Variants in ARMC10 observed in about 807,000 individuals in gnomAD.
ARMC10 encodes the protein armadillo repeat containing 10.
A neutral mutation model predicts 30.2 loss-of-function variants in ARMC10; 23 were observed. The ratio of observed to expected loss-of-function variants is 0.76; its 90% confidence interval spans 0.55 to 1.08. The LOEUF (loss-of-function observed/expected upper bound fraction) is 1.08. Ranked by LOEUF, ARMC10 falls within the 50% of genes least tolerant of loss-of-function variation. The pLI is 0.00. For missense variants in ARMC10, 303 were observed against 413.7 expected (o/e 0.73, Z 2.32); for synonymous variants, 111 against 164.4 (o/e 0.68, Z 2.48).
At chr7:103,092,070 C>A (rs550457899) in intron 4 of ARMC10, among the ~76,000 whole-genome samples, 1 of 152,152 alleles carries the variant, frequency 6.6e-6, no homozygotes, top group Non-Finnish European at 1.5e-5. Context: ...CAGTGGCTCA[C>A]GCCTGTAATC....
chr7:103,092,932 T>C (rs1801474153), intron 5 of ARMC10, among the ~76,000 whole-genome samples: 1 of 152,220 alleles, frequency 6.6e-6, no homozygotes, highest in African/African-American at 2.4e-5. Context: ...GTCTGAGTAA[T>C]AGTAGTGGTT....
chr7:103,076,942 C>T (rs1799923256), intron 2 of ARMC10, among the ~76,000 whole-genome samples: 1 of 152,054 alleles, frequency 6.6e-6, no homozygotes, highest in South Asian at 2.1e-4. Flanking sequence ...AGGCTCGGTG[C>T]AGTGGCGCAA....
chr7:103,083,559 A>G (rs963316729), intron 2 of ARMC10, 123 bp from the exon 3 acceptor site: 1 of 806,934 alleles, frequency 1.2e-6, no homozygotes, highest in Non-Finnish European at 1.9e-6. Context: ...CCAGGAGATC[A>G]AGGTTGTAGT....
Position 103,075,808 on chromosome 7 carries a change from G to C in ARMC10, c.171G>C (p.Gln57His), listed in dbSNP as rs548152712. 2.5e-6 allele frequency: 4 copies of C among 1,611,070 alleles called. No individual in the cohort carries two copies. In the African/African-American group the frequency reaches 4.0e-5, roughly 16 times the overall value. ...TGGAAGAAGGGACGTCAGAGGGTCA[G>C]TTGTGCGGGCGCTCGGCCCGGCCTC... ...GALEEGTSEG[Q>H]LCGRSARPQT... The change falls in exon 2 of 7, where the codon CAG becomes CAC. Residue 57 changes from glutamine to histidine, a missense_variant. By Grantham distance (24) the Gln-to-His change is conservative. Around this residue, in one of 4 missense-constraint regions of ARMC10, gnomAD observed 96 missense variants for 84.2 expected, o/e 1.14. Coordinates refer to ENST00000323716, the MANE Select transcript of ARMC10 (RefSeq NM_031905.5).
At chr7:103,082,405 C>CAA (rs11354159) in intron 2 of ARMC10, among the ~76,000 whole-genome samples, 10 of 141,546 alleles carry the variant, frequency 7.1e-5, no homozygotes, top group African/African-American at 2.6e-4. Context: ...CTGTTTATTG[C>CAA]AAAAAAAAAA....
intron 5 of ARMC10, chr7:103,096,841 G>GAT (rs1183854172): frequency 5.6e-5 from 10 of 179,988 alleles, no homozygotes; most frequent in Admixed American, 5.5e-4. Flanking sequence ...CAACTGTTCA[G>GAT]ATGTGCATGT....
chr7:103,083,222 C>G (rs377074760), intron 2 of ARMC10: 50 of 444,664 alleles, frequency 1.1e-4, no homozygotes, highest in Non-Finnish European at 2.3e-5. Context: ...CCTACACTTC[C>G]CAGCTGTAAT....
chr7:103,094,748 G>A (rs932196712), intron 5 of ARMC10, among the ~76,000 whole-genome samples: 1 of 152,138 alleles, frequency 6.6e-6, no homozygotes, highest in African/African-American at 2.4e-5. Context: ...CTAAAGAAGG[G>A]TCAGAAGTCT....
At chr7:103,076,693 G>C (rs1440412759) in intron 2 of ARMC10, among the ~76,000 whole-genome samples, 1 of 152,122 alleles carries the variant, frequency 6.6e-6, no homozygotes, top group Non-Finnish European at 1.5e-5. Flanking sequence ...AAATTAGCCG[G>C]GCTTGGCGGT....
intron 2 of ARMC10, among the ~76,000 whole-genome samples, chr7:103,077,745 G>T (rs1269304900): frequency 6.6e-6 from 1 of 152,178 alleles, no homozygotes; most frequent in Non-Finnish European, 1.5e-5. Flanking sequence ...AGATATTTTT[G>T]TATAAGTACA....
intron 2 of ARMC10, among the ~76,000 whole-genome samples, chr7:103,076,320 G>A (rs1266473032): frequency 6.6e-6 from 1 of 152,130 alleles, no homozygotes; most frequent in Admixed American, 6.5e-5. Flanking sequence ...TGGTAATTGG[G>A]GTGGTTGTTA....
At chr7:103,076,557 C>T (rs1421287789) in intron 2 of ARMC10, among the ~76,000 whole-genome samples, 1 of 152,188 alleles carries the variant, frequency 6.6e-6, no homozygotes, top group Non-Finnish European at 1.5e-5. Context: ...GATTTACAGG[C>T]TGGGTGTGGT....
chr7:103,092,781 T>C lies in ARMC10; in HGVS notation c.705+128T>C, dbSNP rs564879785. On this transcript the variant is annotated intron_variant, in intron 5 of 6. Transcript: ENST00000323716. Reference sequence around the variant, plus strand: ...CACATGGGCCCAAGAAAGTATATTATTTTTAGTCCCAAATATTCCATTGCA... The same window carrying C: ...CACATGGGCCCAAGAAAGTATATTACTTTTAGTCCCAAATATTCCATTGCA... 3 of 591,240 alleles carry C rather than the reference T, an allele frequency of 5.1e-6. No individual in the cohort carries two copies. The East Asian group carries it at 9.8e-5, about 19-fold the overall frequency. 36.6% of individuals were successfully genotyped at this position (591,240 alleles called of 1,614,324 possible).
intron 5 of ARMC10, among the ~76,000 whole-genome samples, chr7:103,093,852 A>G (rs1801551611): frequency 6.6e-6 from 1 of 152,126 alleles, no homozygotes; most frequent in Non-Finnish European, 1.5e-5. Context: ...CTGTGTTTTC[A>G]TATATTTTTT....
chr7:103,089,524 C>G (rs934625763), intron 4 of ARMC10: 1 of 185,402 alleles, frequency 5.4e-6, no homozygotes, highest in African/African-American at 2.4e-5. Context: ...GGAACTGGTA[C>G]TGCAACATCT....
intron 4 of ARMC10, among the ~76,000 whole-genome samples, chr7:103,091,762 G>C (rs959772895): frequency 9.2e-5 from 14 of 152,310 alleles, no homozygotes; most frequent in African/African-American, 3.1e-4. Context: ...ACTAAGATGG[G>C]AGGCCTCCAA....
intron 2 of ARMC10, among the ~76,000 whole-genome samples, chr7:103,083,394 G>A (rs1205294713): frequency 6.6e-6 from 1 of 152,166 alleles, no homozygotes; most frequent in Non-Finnish European, 1.5e-5. Context: ...CAAGGCAGGA[G>A]GACTGCTTGA....
At chr7:103,080,839 G>A (rs1800317265) in intron 2 of ARMC10, among the ~76,000 whole-genome samples, 1 of 151,730 alleles carries the variant, frequency 6.6e-6, no homozygotes, top group Non-Finnish European at 1.5e-5. Flanking sequence ...TCTTGGCCAA[G>A]CTGGTCTTGC....
rs1019783252 is a variant in ARMC10, at chr7:103,075,547, G to A, written c.139+136G>A. On this transcript the variant is annotated intron_variant, in intron 1 of 6. Transcript: ENST00000323716. ...GAGAGGCAGTACTTGTGTGAGTGCA[G>A]GGTGCTGCGCCGCCCCCGCCGCCCC... 7 of 1,070,406 alleles carry A rather than the reference G, an allele frequency of 6.5e-6. No homozygotes were observed. The African/African-American group carries it at 1.1e-4, about 17-fold the overall frequency. 66.3% of individuals were successfully genotyped at this position (1,070,406 alleles called of 1,614,324 possible). A position where few individuals can be genotyped will look rare whatever the true frequency, so the allele number is the denominator to read the frequency against.
Sources: gnomAD v4.1 joint callset for allele counts (sites outside exome capture counted in the v4.1 genomes callset) on GRCh38, gnomAD v4.1.1 for gene constraint, gnomAD v4.1.1 regional missense constraint, MANE v1.5 for transcripts, NCBI Gene and HGNC (gene_info 2026-07-23, HGNC 2026-07-21) for gene names.